ARL13B: variants seen among roughly 807,000 people sequenced by gnomAD.
ARL13B encodes the protein ADP-ribosylation factor-like protein 13B.
Under a neutral mutation model 56.1 loss-of-function variants are expected in ARL13B, and 36 were observed. That is an observed-to-expected ratio of 0.64 (90% CI 0.49 to 0.85). ARL13B has a LOEUF of 0.85. Ranked by LOEUF, ARL13B falls within the 40% of genes least tolerant of loss-of-function variation. The pLI is 0.00. For synonymous variants in ARL13B, 178 were observed against 171.1 expected, an observed-to-expected ratio of 1.04 and a Z score of -0.32; for missense variants, 519 against 507.1, an observed-to-expected ratio of 1.02 and a Z score of -0.23.
intron 1 of ARL13B, among the ~76,000 whole-genome samples, chr3:93,986,778 G>A (rs1377713241): frequency 6.6e-6 from 1 of 152,040 alleles, no homozygotes; most frequent in African/African-American, 2.4e-5. Flanking sequence ...AGATGAGCCT[G>A]GCCAACATAG....
chr3:93,986,766 C>T (rs532492441), intron 1 of ARL13B, among the ~76,000 whole-genome samples: 6 of 152,086 alleles, frequency 3.9e-5, no homozygotes, highest in South Asian at 4.2e-4. Flanking sequence ...GTCAGGAGTT[C>T]GAGATGAGCC....
intron 2 of ARL13B, among the ~76,000 whole-genome samples, chr3:94,001,826 C>G (rs2076060382): frequency 6.6e-6 from 1 of 152,184 alleles, no homozygotes; most frequent in Non-Finnish European, 1.5e-5. Flanking sequence ...TACTGAAAGA[C>G]AGCTGCCTAT....
intron 3 of ARL13B, among the ~76,000 whole-genome samples, chr3:94,026,941 G>A (rs2076570124): frequency 1.3e-5 from 2 of 152,184 alleles, no homozygotes; most frequent in Admixed American, 1.3e-4. Flanking sequence ...GTAAACTGGT[G>A]CGACTCAAAT....
At chr3:94,034,826 G>A (rs570400162) in intron 3 of ARL13B, among the ~76,000 whole-genome samples, 2 of 152,108 alleles carry the variant, frequency 1.3e-5, no homozygotes, top group East Asian at 1.9e-4. Flanking sequence ...CCTTTTATAG[G>A]CCAGTACTTA....
intron 3 of ARL13B, among the ~76,000 whole-genome samples, chr3:94,023,683 A>T (rs1271742972): frequency 1.3e-5 from 2 of 152,140 alleles, no homozygotes; most frequent in Admixed American, 1.3e-4. Flanking sequence ...GTTTAGACAT[A>T]TCTACTTGAT....
At position 94,055,116 on chromosome 3, in the gene ARL13B, C is replaced by T. The variant is rs1560022492; in HGVS notation, c.*1853C>T. 5.5e-6 allele frequency: 2 copies of T among 365,658 alleles called. No homozygotes were observed. The highest frequency in any genetic ancestry group is 8.0e-5 in the Admixed American group (2 of 25,100). 22.7% of individuals were successfully genotyped at this position (365,658 alleles called of 1,614,324 possible). ...GAATTCACATTTTATATAGCTCTCT[C>T]AAAAATTAATTTTTATTCCTTAAGC... is the stretch of plus-strand genomic sequence containing the variant. On this transcript the variant is annotated 3_prime_UTR_variant, in exon 10 of 10. Transcript: ENST00000394222.
chr3:94,044,927 G>A (rs1239002340), intron 7 of ARL13B, among the ~76,000 whole-genome samples: 1 of 152,222 alleles, frequency 6.6e-6, no homozygotes, highest in Non-Finnish European at 1.5e-5. Flanking sequence ...GCATCTGGGA[G>A]GTGTACCCAA....
At chr3:94,015,116 G>C (rs369172757) in intron 3 of ARL13B, 7 of 1,613,906 alleles carry the variant, frequency 4.3e-6, no homozygotes, top group Non-Finnish European at 5.1e-6. Flanking sequence ...TGGATTTCAT[G>C]TAGGTGTCTC....
rs549699070 is a variant in ARL13B at position 93,988,611 on chromosome 3, G to A, written c.60-7263G>A. On this transcript the variant is annotated intron_variant, in intron 1 of 9. Coordinates refer to ENST00000394222, the MANE Select transcript of ARL13B (RefSeq NM_001174150.2). The stretch of plus-strand genomic sequence containing the variant: ...TACAAGAAGGGAGACAGGGACTACT[G>A]ATAAGACATGGTATATGATATTAAT... The A allele has an allele frequency of 2.8e-4, 134 of 472,690 alleles. 1 individual carries two copies. In the Middle Eastern group the frequency reaches 5.2e-3, roughly 18 times the overall value. 29.3% of individuals were successfully genotyped at this position (472,690 alleles called of 1,614,324 possible). A position where few individuals can be genotyped will look rare whatever the true frequency, so the allele number is the denominator to read the frequency against.
intron 3 of ARL13B, among the ~76,000 whole-genome samples, chr3:94,034,967 GGAT>G (rs1476451911): frequency 1.3e-5 from 2 of 152,164 alleles, no homozygotes; most frequent in Non-Finnish European, 2.9e-5. Context: ...CAGGCATGGT[GGAT>G]GATATCTGTA....
At chr3:94,027,382 A>G (rs1418376695) in intron 3 of ARL13B, among the ~76,000 whole-genome samples, 1 of 152,028 alleles carries the variant, frequency 6.6e-6, no homozygotes, top group Non-Finnish European at 1.5e-5. Context: ...GCTTTTTTCT[A>G]CATTTTATTT....
intron 1 of ARL13B, among the ~76,000 whole-genome samples, chr3:93,982,477 C>T (rs1335592601): frequency 6.6e-6 from 1 of 152,134 alleles, no homozygotes; most frequent in African/African-American, 2.4e-5. Flanking sequence ...GCAAAAAAGT[C>T]AGCATCTTAT....
chr3:94,001,789 T>C (rs2076059508), intron 2 of ARL13B, among the ~76,000 whole-genome samples: 1 of 152,220 alleles, frequency 6.6e-6, no homozygotes, highest in Non-Finnish European at 1.5e-5. Flanking sequence ...TTTTCACTGA[T>C]GATTGCCTGG....
chr3:94,035,287 C>T, intron 3 of ARL13B, 44 bp from the exon 4 acceptor site: 1 of 1,238,758 alleles, frequency 8.1e-7, no homozygotes, highest in Non-Finnish European at 1.2e-6. Flanking sequence ...AGTTTCCATC[C>T]AATTATATAT....
In ARL13B at chr3:94,054,720, C is replaced by A; in HGVS notation, c.*1457C>A. 1 of 408,628 alleles carries A rather than the reference C, an allele frequency of 2.4e-6. No individual in the cohort carries two copies. Among genetic ancestry groups the A allele is most frequent in the South Asian group, 1.8e-5 (1 of 54,164 alleles). The allele number at this position is 408,628 out of a possible 1,614,324, so 25.3% of individuals were successfully genotyped here. On this transcript the variant is annotated 3_prime_UTR_variant, in exon 10 of 10. Transcript: ENST00000394222. ...CTTTAATAATCAGGTCACCTGTACT[C>A]TAGTCAGCACTGTATATATTCTTGG...
At chr3:94,019,369 G>T (rs914591909) in intron 3 of ARL13B, among the ~76,000 whole-genome samples, 1 of 151,806 alleles carries the variant, frequency 6.6e-6, no homozygotes, top group Admixed American at 6.6e-5. Flanking sequence ...GCTAATTTTT[G>T]TATTTTCAGT....
chr3:94,033,308 C>A (rs2076709136), intron 3 of ARL13B, among the ~76,000 whole-genome samples: 1 of 152,080 alleles, frequency 6.6e-6, no homozygotes, highest in Non-Finnish European at 1.5e-5. Flanking sequence ...CAGACCTCAC[C>A]ACTATGCAAT....
At chr3:93,987,197 T>C (rs1387917278) in intron 1 of ARL13B, among the ~76,000 whole-genome samples, 2 of 152,110 alleles carry the variant, frequency 1.3e-5, no homozygotes, top group Non-Finnish European at 2.9e-5. Flanking sequence ...CTCACCATAT[T>C]GCCCAGGTTG....
chr3:94,052,063 C>A (rs1240270524), intron 9 of ARL13B, among the ~76,000 whole-genome samples: 1 of 151,790 alleles, frequency 6.6e-6, no homozygotes, highest in African/African-American at 2.4e-5. Context: ...AGATTTATTT[C>A]TTTATTACAC....
Sources: allele counts gnomAD v4.1 joint callset (sites outside exome capture counted in the v4.1 genomes callset), GRCh38; gene constraint gnomAD v4.1.1; transcripts MANE v1.5; gene names NCBI Gene and HGNC (gene_info 2026-07-23, HGNC 2026-07-21).